CHSY3: variants seen among roughly 807,000 people sequenced by gnomAD.
The protein encoded by CHSY3 is N-acetylgalactosaminyl-proteoglycan 3-beta-glucuronosyltransferase 3.
In CHSY3, 35 loss-of-function variants were observed where a neutral mutation model predicts 67.2. The ratio of observed to expected loss-of-function variants is 0.52; its 90% confidence interval spans 0.40 to 0.69. CHSY3 has a LOEUF of 0.69. Ranked by LOEUF, CHSY3 falls within the 30% of genes least tolerant of loss-of-function variation. The pLI is 0.00. For synonymous variants in CHSY3, 474 were observed against 434.7 expected (o/e 1.09, Z -1.12); for missense variants, 1,069 against 1,138.5 (o/e 0.94, Z 0.88).
intron 2 of CHSY3, among the ~76,000 whole-genome samples, chr5:130,098,781 A>T (rs2149697197): frequency 6.6e-6 from 1 of 152,368 alleles, no homozygotes; most frequent in Admixed American, 6.5e-5. Flanking sequence ...AAAGGGAATC[A>T]TTAAGAATCA....
In CHSY3 at chr5:130,185,784, T is replaced by G; in HGVS notation, c.2642T>G (p.Leu881Arg). 1 of 1,585,302 alleles carries G rather than the reference T, an allele frequency of 6.3e-7. No homozygotes were observed. The highest frequency in any genetic ancestry group is 8.6e-7 in the Non-Finnish European group (1 of 1,163,156). The change falls in exon 3 of 3, where the codon CTC becomes CGC. Residue 881 changes from leucine to arginine, a missense_variant. By Grantham distance (102) the Leu-to-Arg change is moderately radical. Coordinates refer to ENST00000305031, the MANE Select transcript of CHSY3 (RefSeq NM_175856.5). ...TTAGGTGTCAGGTACAATCGAACTC[T>G]CTCCTGACAGTCCAGGCAACACATT... ...KHLGVRYNRT[L>R]S
intron 2 of CHSY3, among the ~76,000 whole-genome samples, chr5:129,964,019 T>A (rs1177386396): frequency 6.6e-6 from 1 of 151,918 alleles, no homozygotes; most frequent in African/African-American, 2.4e-5. Flanking sequence ...CTGTTTAGGA[T>A]GGTATATTGC....
chr5:130,130,333 TG>T (rs1768440564), intron 2 of CHSY3, among the ~76,000 whole-genome samples: 1 of 152,158 alleles, frequency 6.6e-6, no homozygotes, highest in Non-Finnish European at 1.5e-5. Context: ...TAGAATTTCT[TG>T]CCATGTAATC....
intron 1 of CHSY3, among the ~76,000 whole-genome samples, chr5:129,907,616 A>G (rs1057141727): frequency 1.1e-4 from 17 of 152,224 alleles, no homozygotes; most frequent in Admixed American, 2.0e-4. Context: ...TGCGGGTTGT[A>G]TATGACTGAA....
rs1764117700 is a variant in CHSY3 at position 130,013,181 on chromosome 5, A to G, written c.1086+104821A>G. Among the ~76,000 whole-genome samples the G allele has an allele frequency of 2.0e-5, 3 of 152,146 alleles. No homozygotes were observed. In the South Asian group the frequency reaches 6.2e-4, roughly 31 times the overall value. ...GGCTCCCATGGTCTTGGAGACCTCC[A>G]CCTTTGTGGCTTTGCAGGGTACAGC... On this transcript the variant is annotated intron_variant, in intron 2 of 2. Transcript: ENST00000305031.
At position 130,184,514 on chromosome 5, in the gene CHSY3, C is replaced by G. The variant is rs150490435; in HGVS notation, c.1372C>G (p.Arg458Gly). The change falls in exon 3 of 3, where the codon CGG becomes GGG. Residue 458 changes from arginine to glycine, a missense_variant. Arg to Gly is a moderately radical substitution (Grantham distance 125). Transcript: ENST00000305031. ...ACCTTCTTTCAACCACTTCCAGCCT[C>G]GGGAGAGAAATGAAGTGATAGAATG... ...VIPSFNHFQP[R>G]ERNEVIEWEF... The G allele has an allele frequency of 1.2e-6, 2 of 1,611,068 alleles. No individual in the cohort carries two copies. The highest frequency in any genetic ancestry group is 2.7e-5 in the African/African-American group (2 of 74,962).
rs772299728 is a variant in CHSY3, at chr5:129,908,229, C to A, written c.955C>A (p.Arg319=). 4 of 1,614,060 alleles carry A rather than the reference C, an allele frequency of 2.5e-6. No homozygotes were observed. Among genetic ancestry groups the A allele is most frequent in the Middle Eastern group, 1.6e-4 (1 of 6,062 alleles). ...CMGGPGMIFS[R]EVLRRMVPHI... ...GGGAGGACCTGGCATGATCTTTAGC[C>A]GAGAAGTTCTCAGGAGGATGGTGCC... The change falls in exon 2 of 3, where the codon CGA becomes AGA. Residue 319 remains arginine, a synonymous_variant. Transcript: ENST00000305031.
intron 2 of CHSY3, among the ~76,000 whole-genome samples, chr5:130,020,849 C>T (rs960738891): frequency 1.3e-5 from 2 of 152,124 alleles, no homozygotes; most frequent in Non-Finnish European, 2.9e-5. Context: ...TGGGCTCATG[C>T]TTGTCCTTGT....
At chr5:129,995,640 C>T (rs1390746529) in intron 2 of CHSY3, among the ~76,000 whole-genome samples, 1 of 151,348 alleles carries the variant, frequency 6.6e-6, no homozygotes, top group African/African-American at 2.4e-5. Flanking sequence ...CTTCCCTTCT[C>T]TCTTTCTCCC....
chr5:130,016,505 G>C (rs143074163), intron 2 of CHSY3, among the ~76,000 whole-genome samples: 33 of 143,112 alleles, frequency 2.3e-4, no homozygotes, highest in African/African-American at 8.3e-4. Flanking sequence ...TGAGCTTCCA[G>C]GGTTCAAGTG....
chr5:130,060,171 A>C (rs1387460578), intron 2 of CHSY3, among the ~76,000 whole-genome samples: 1 of 152,204 alleles, frequency 6.6e-6, no homozygotes, highest in Non-Finnish European at 1.5e-5. Flanking sequence ...CCTTAAGAAA[A>C]TACTACCAAA....
At chr5:130,012,690 T>A (rs1764102029) in intron 2 of CHSY3, among the ~76,000 whole-genome samples, 1 of 151,994 alleles carries the variant, frequency 6.6e-6, no homozygotes, top group African/African-American at 2.4e-5. Context: ...CACAAACTAA[T>A]CACTTCCCAC....
At chr5:130,034,954 A>C (rs1764824668) in intron 2 of CHSY3, among the ~76,000 whole-genome samples, 1 of 152,126 alleles carries the variant, frequency 6.6e-6, no homozygotes, top group Non-Finnish European at 1.5e-5. Context: ...TGGCTAGTAC[A>C]GAGTGGACAG....
intron 2 of CHSY3, among the ~76,000 whole-genome samples, chr5:130,148,026 G>T (rs1190396340): frequency 6.6e-6 from 1 of 151,914 alleles, no homozygotes; most frequent in Non-Finnish European, 1.5e-5. Flanking sequence ...CTCCTGAAGG[G>T]TGCTGTTTCC....
At chr5:130,047,956 T>C (rs1225848598) in intron 2 of CHSY3, among the ~76,000 whole-genome samples, 1 of 151,686 alleles carries the variant, frequency 6.6e-6, no homozygotes, top group Non-Finnish European at 1.5e-5. Context: ...TTTTTTTCCT[T>C]TTTTAAGTAA....
rs1300642078 is a variant in CHSY3, at chr5:129,904,801, A to G, written c.-29A>G. On this transcript the variant is annotated 5_prime_UTR_variant, in exon 1 of 3. Coordinates refer to ENST00000305031, the MANE Select transcript of CHSY3 (RefSeq NM_175856.5). ...ACCGCGTGCCGCGCCGCGACAGCCCAGCGAGCGTCCGCGCCCGGGACAGCC... is the reference window on the plus strand; with the variant it reads ...ACCGCGTGCCGCGCCGCGACAGCCCGGCGAGCGTCCGCGCCCGGGACAGCC... The G allele has an allele frequency of 7.3e-7, 1 of 1,361,388 alleles. No individual in the cohort carries two copies. Among genetic ancestry groups the G allele is most frequent in the Middle Eastern group, 2.8e-4 (1 of 3,636 alleles). 84.3% of individuals were successfully genotyped at this position (1,361,388 alleles called of 1,614,324 possible). A position where few individuals can be genotyped will look rare whatever the true frequency, so the allele number is the denominator to read the frequency against.
chr5:130,131,024 T>G (rs1012770446), intron 2 of CHSY3, among the ~76,000 whole-genome samples: 12 of 152,138 alleles, frequency 7.9e-5, no homozygotes, highest in African/African-American at 2.9e-4. Flanking sequence ...CCACACATCT[T>G]CCTAAGGAAT....
intron 2 of CHSY3, among the ~76,000 whole-genome samples, chr5:129,990,011 G>A (rs141971762): frequency 6.6e-6 from 1 of 151,960 alleles, no homozygotes; most frequent in East Asian, 1.9e-4. Flanking sequence ...TGAGGTTTGT[G>A]GACCCCTGAT....
intron 2 of CHSY3, chr5:130,114,261 T>C (rs1199393790): frequency 1.3e-5 from 2 of 152,164 alleles, no homozygotes; most frequent in Admixed American, 6.5e-5. Context: ...AAAAAGTTCA[T>C]GTGATGGTGG....
Sources: gnomAD v4.1 joint callset for allele counts (sites outside exome capture counted in the v4.1 genomes callset) on GRCh38, gnomAD v4.1.1 for gene constraint, MANE v1.5 for transcripts, NCBI Gene and HGNC (gene_info 2026-07-23, HGNC 2026-07-21) for gene names.